KLHL5: variants seen among roughly 807,000 people sequenced by gnomAD.
KLHL5 encodes kelch-like protein 5.
In KLHL5, 48 loss-of-function variants were observed where a neutral mutation model predicts 77.7. The observed-to-expected ratio is 0.62, with a 90% CI of 0.49 to 0.79. The LOEUF (loss-of-function observed/expected upper bound fraction) is 0.79, where lower values mean the gene tolerates loss of function less well. Ranked by LOEUF, KLHL5 falls within the 30% of genes least tolerant of loss-of-function variation. The pLI, the probability that KLHL5 is intolerant of heterozygous loss-of-function variation, is 0.00. For missense variants in KLHL5, 723 were observed against 859.7 expected, an observed-to-expected ratio of 0.84 and a Z score of 1.99; for synonymous variants, 260 against 297.0, an observed-to-expected ratio of 0.88 and a Z score of 1.28.
intron 4 of KLHL5, among the ~76,000 whole-genome samples, chr4:39,085,849 A>C (rs192051383): frequency 2.1e-4 from 32 of 152,300 alleles, no homozygotes; most frequent in African/African-American, 7.7e-4. Context: ...GAAGAGATTA[A>C]AAATTTAAAA....
Position 39,124,802 on chromosome 4 carries a change from C to CAAAAAAAAAAAAAAAAA in KLHL5, c.*3744_*3760dup, listed in dbSNP as rs71643268. On this transcript the variant is annotated 3_prime_UTR_variant, in exon 11 of 11. Coordinates refer to ENST00000504108, the MANE Select transcript of KLHL5 (RefSeq NM_015990.5). ...GCACCAAAAGCACAAGCAACAACAGCAAAAAAAAAAAAAAAAAAAAAAAAT... is the reference window on the plus strand; with the variant it reads ...GCACCAAAAGCACAAGCAACAACAGCAAAAAAAAAAAAAAAAAAAAAAAAAAAAAAAAAAAAAAAAAT... Among the ~76,000 whole-genome samples the CAAAAAAAAAAAAAAAAA allele has an allele frequency of 2.9e-3, 129 of 44,092 alleles. 2 individuals are homozygous for CAAAAAAAAAAAAAAAAA. The highest frequency in any genetic ancestry group is 4.7e-3 in the East Asian group (6 of 1,290). The allele number at this position is 44,092 out of a possible 152,430, so 28.9% of individuals were successfully genotyped here. A position where few individuals can be genotyped will look rare whatever the true frequency, so the allele number is the denominator to read the frequency against.
intron 8 of KLHL5, among the ~76,000 whole-genome samples, chr4:39,108,313 T>C (rs1722198721): frequency 6.6e-6 from 1 of 152,126 alleles, no homozygotes; most frequent in Admixed American, 6.5e-5. Context: ...TTTTCAGTCC[T>C]TTCTTCTTCC....
intron 1 of KLHL5, among the ~76,000 whole-genome samples, chr4:39,064,773 C>CT (rs965612489): frequency 1.3e-5 from 2 of 151,658 alleles, no homozygotes; most frequent in African/African-American, 4.8e-5. Flanking sequence ...AAAGATTATC[C>CT]TTTTTTGACT....
At chr4:39,141,377 C>T in the KLHL5 span, among the ~76,000 whole-genome samples, 1 of 141,596 alleles carries the variant, frequency 7.1e-6, no homozygotes. Flanking sequence ...GGCGCAATCT[C>T]GGCTCACTGC....
chr4:39,096,622 T>C, intron 5 of KLHL5, 70 bp from the exon 6 acceptor site: 1 of 1,051,636 alleles, frequency 9.5e-7, no homozygotes. Context: ...TTGAGAACTA[T>C]GTCATTTTTT....
the KLHL5 span, among the ~76,000 whole-genome samples, chr4:39,132,558 A>T: frequency 6.6e-6 from 1 of 152,024 alleles, no homozygotes. Flanking sequence ...CAGTAAGCCG[A>T]GATCACCGCA....
chr4:39,064,710 A>C (rs765675844), intron 1 of KLHL5, among the ~76,000 whole-genome samples: 1 of 152,142 alleles, frequency 6.6e-6, no homozygotes, highest in African/African-American at 2.4e-5. Flanking sequence ...AAATTAAGCT[A>C]TTCTTTAGTA....
At chr4:39,074,815 A>G (rs1334788864) in intron 1 of KLHL5, among the ~76,000 whole-genome samples, 1 of 152,192 alleles carries the variant, frequency 6.6e-6, no homozygotes, top group African/African-American at 2.4e-5. Flanking sequence ...CACAACCATC[A>G]TATCCTTAAA....
Position 39,121,273 on chromosome 4 carries a change from C to T in KLHL5, c.*207C>T. On this transcript the variant is annotated 3_prime_UTR_variant, in exon 11 of 11. Transcript: ENST00000504108. ...CTTTCATTTCTTAGTAAATTAAAAC[C>T]TGCAGCTGGTGGATTGTGATCACAC... is the stretch of plus-strand genomic sequence containing the variant. 1 of 570,982 alleles carries T rather than the reference C, an allele frequency of 1.8e-6. No homozygotes were observed. The highest frequency in any genetic ancestry group is 3.1e-6 in the Non-Finnish European group (1 of 321,048). The allele number at this position is 570,982 out of a possible 1,614,324, so 35.4% of individuals were successfully genotyped here. A position where few individuals can be genotyped will look rare whatever the true frequency, so the allele number is the denominator to read the frequency against.
upstream of KLHL5, among the ~76,000 whole-genome samples, chr4:39,061,618 AAACCATTGTTTG>A (rs1275191035): frequency 1.3e-5 from 2 of 152,186 alleles, no homozygotes; most frequent in East Asian, 3.8e-4. Context: ...AACCATGTTC[AAACCATTGTTTG>A]TTTTGCTAAC....
At chr4:39,061,265 G>A (rs1472874121), upstream of KLHL5, among the ~76,000 whole-genome samples, 1 of 152,134 alleles carries the variant, frequency 6.6e-6, no homozygotes, top group Non-Finnish European at 1.5e-5. Flanking sequence ...ATTTTTGTAA[G>A]CCTCCAAAGT....
chr4:39,093,824 T>G lies in KLHL5; in HGVS notation c.1114-2868T>G, dbSNP rs189993203. 4.5e-4 allele frequency among the ~76,000 whole-genome samples: 69 copies of G among 152,034 alleles called. No homozygotes were observed. The East Asian group carries it at 0.011, about 25-fold the overall frequency. On this transcript the variant is annotated intron_variant, in intron 5 of 10. Coordinates refer to ENST00000504108, the MANE Select transcript of KLHL5 (RefSeq NM_015990.5). ...AGGAGGCTGAGGCAGGAGAATTGCC[T>G]GAACCTGGGAGGCAGAGGTTGCAGT...
In KLHL5 at chr4:39,048,638, CTTTTTTTT is replaced by C. The variant is rs34713116; in HGVS notation, c.-95+3556_-95+3563del. ...AAAGGATGTGGTGATTTTACATTGGCTTTTTTTTTTTTTTTTTTTTTGGAGATGAAGTT... is the reference window on the plus strand; with the variant it reads ...AAAGGATGTGGTGATTTTACATTGGCTTTTTTTTTTTTTGGAGATGAAGTT... On this transcript the variant is annotated intron_variant, in intron 1 of 11. Transcript: ENST00000261425. Among the ~76,000 whole-genome samples the C allele has an allele frequency of 2.9e-4, 23 of 79,146 alleles. No individual in the cohort carries two copies. In the East Asian group the frequency reaches 5.5e-3, roughly 19 times the overall value. The allele number at this position is 79,146 out of a possible 152,430, so 51.9% of individuals were successfully genotyped here. A position where few individuals can be genotyped will look rare whatever the true frequency, so the allele number is the denominator to read the frequency against.
chr4:39,093,818 A>G (rs1720812502), intron 5 of KLHL5, among the ~76,000 whole-genome samples: 2 of 152,070 alleles, frequency 1.3e-5, no homozygotes, highest in African/African-American at 4.8e-5. Context: ...AGGCAGGAGA[A>G]TTGCCTGAAC....
intron 1 of KLHL5, among the ~76,000 whole-genome samples, chr4:39,046,379 AC>A (rs1328919029): frequency 5.3e-5 from 8 of 152,320 alleles, no homozygotes; most frequent in African/African-American, 1.9e-4. Flanking sequence ...AAGATCCTGT[AC>A]TAGAGATGAG....
At chr4:39,073,032 T>A (rs1718634285) in intron 1 of KLHL5, among the ~76,000 whole-genome samples, 1 of 152,218 alleles carries the variant, frequency 6.6e-6, no homozygotes, top group Non-Finnish European at 1.5e-5. Flanking sequence ...TACATATACA[T>A]GTATCAAAAC....
At chr4:39,136,551 T>G in the KLHL5 span, among the ~76,000 whole-genome samples, 1 of 151,714 alleles carries the variant, frequency 6.6e-6, no homozygotes, top group Non-Finnish European at 1.5e-5. Context: ...GGTGACCCAA[T>G]GTGGGGTATT....
chr4:39,134,993 TCAGA>T, the KLHL5 span, among the ~76,000 whole-genome samples: 1 of 152,178 alleles, frequency 6.6e-6, no homozygotes, highest in African/African-American at 2.4e-5. Flanking sequence ...CTGTGATGTA[TCAGA>T]CAGAGTCCAG....
intron 5 of KLHL5, among the ~76,000 whole-genome samples, chr4:39,088,706 AG>A (rs1720264467): frequency 6.6e-6 from 1 of 152,146 alleles, no homozygotes; most frequent in African/African-American, 2.4e-5. Flanking sequence ...CACCAAAAAG[AG>A]GGGGTTTTGA....
Sources: allele counts gnomAD v4.1 joint callset (sites outside exome capture counted in the v4.1 genomes callset), GRCh38; gene constraint gnomAD v4.1.1; transcripts MANE v1.5; gene names NCBI Gene and HGNC (gene_info 2026-07-23, HGNC 2026-07-21).